Variants in PTPRO observed in about 807,000 individuals in gnomAD.
The protein encoded by PTPRO is receptor-type tyrosine-protein phosphatase O.
A neutral mutation model predicts 145.2 loss-of-function variants in PTPRO; 62 were observed. The observed-to-expected ratio is 0.43, with a 90% CI of 0.35 to 0.53. The LOEUF (loss-of-function observed/expected upper bound fraction) is 0.53. Ranked by LOEUF, PTPRO falls within the 20% of genes least tolerant of loss-of-function variation. The pLI, the probability that PTPRO is intolerant of heterozygous loss-of-function variation, is 0.01. For synonymous variants in PTPRO, 565 were observed against 514.7 expected (o/e 1.10, Z -1.32); for missense variants, 1,345 against 1,482.7 (o/e 0.91, Z 1.53).
intron 19 of PTPRO, among the ~76,000 whole-genome samples, chr12:15,572,830 T>A (rs536836330): frequency 1.3e-5 from 2 of 152,122 alleles, no homozygotes; most frequent in African/African-American, 4.8e-5. Context: ...CAGATGAAAT[T>A]TGAAAATGTG....
chr12:15,402,740 T>A (rs1939533799), intron 1 of PTPRO, among the ~76,000 whole-genome samples: 1 of 152,210 alleles, frequency 6.6e-6, no homozygotes, highest in Non-Finnish European at 1.5e-5. Flanking sequence ...CAAGCAGTAC[T>A]ATAATGCTTT....
intron 13 of PTPRO, 43 bp downstream of exon 13, chr12:15,546,751 A>C: frequency 6.2e-7 from 1 of 1,609,308 alleles, no homozygotes; most frequent in Non-Finnish European, 8.5e-7. Flanking sequence ...TAACTTAAGT[A>C]AGGCTAATTA....
intron 1 of PTPRO, among the ~76,000 whole-genome samples, chr12:15,466,302 G>C (rs1258267095): frequency 6.6e-6 from 1 of 152,110 alleles, no homozygotes; most frequent in East Asian, 1.9e-4. Flanking sequence ...TATTTTAATA[G>C]CGCAAGAAGT....
At chr12:15,493,585 A>G (rs1302987869) in intron 2 of PTPRO, among the ~76,000 whole-genome samples, 5 of 152,200 alleles carry the variant, frequency 3.3e-5, no homozygotes, top group Admixed American at 6.5e-5. Context: ...GGAAATTAAA[A>G]CAAAGAGATA....
intron 1 of PTPRO, among the ~76,000 whole-genome samples, chr12:15,343,914 G>A (rs924526379): frequency 3.4e-4 from 52 of 152,250 alleles, no homozygotes; most frequent in African/African-American, 1.1e-3. Context: ...TCGATCTCCT[G>A]ACCTCGTGAT....
At chr12:15,352,668 A>G (rs1937849119) in intron 1 of PTPRO, among the ~76,000 whole-genome samples, 1 of 85,316 alleles carries the variant, frequency 1.2e-5, no homozygotes, top group African/African-American at 3.3e-5. Flanking sequence ...AAAAAAAAAA[A>G]GAAAGAAAGA....
At chr12:15,567,376 A>C in intron 18 of PTPRO, among the ~76,000 whole-genome samples, 1 of 147,230 alleles carries the variant, frequency 6.8e-6, no homozygotes, top group African/African-American at 2.5e-5. Context: ...CCTTTCCATC[A>C]CCTCCTCTTT....
chr12:15,444,207 A>G (rs1222439351), intron 1 of PTPRO, among the ~76,000 whole-genome samples: 1 of 152,150 alleles, frequency 6.6e-6, no homozygotes, highest in East Asian at 1.9e-4. Context: ...GCTGAAGGCC[A>G]TTATCCTAAG....
intron 12 of PTPRO, among the ~76,000 whole-genome samples, chr12:15,534,387 A>G (rs112556523): frequency 0.012 from 1,826 of 152,332 alleles, 32 homozygotes; most frequent in African/African-American, 0.041. Flanking sequence ...AATCCATTTA[A>G]CTAATATATA....
At chr12:15,393,981 A>G (rs1939266771) in intron 1 of PTPRO, among the ~76,000 whole-genome samples, 1 of 152,190 alleles carries the variant, frequency 6.6e-6, no homozygotes, top group African/African-American at 2.4e-5. Context: ...CTGGCTTTTT[A>G]TAACAGATCC....
chr12:15,527,834 G>A (rs1248406940), intron 12 of PTPRO, among the ~76,000 whole-genome samples: 1 of 152,184 alleles, frequency 6.6e-6, no homozygotes, highest in African/African-American at 2.4e-5. Context: ...CAAAGACATA[G>A]TTCTATGCCC....
chr12:15,497,548 A>G, intron 3 of PTPRO, 145 bp downstream of exon 3: 3 of 938,006 alleles, frequency 3.2e-6, no homozygotes, highest in South Asian at 3.1e-5. Flanking sequence ...TTATTGATTT[A>G]TGAAAATCGT....
chr12:15,524,698 G>A (rs1326546816), intron 10 of PTPRO, 116 bp from the exon 11 acceptor site: 14 of 1,107,222 alleles, frequency 1.3e-5, no homozygotes, highest in Non-Finnish European at 1.5e-5. Context: ...CGGGACTATC[G>A]TGTGCTGTGA....
intron 1 of PTPRO, among the ~76,000 whole-genome samples, chr12:15,345,908 A>G (rs888325150): frequency 2.6e-5 from 4 of 152,064 alleles, no homozygotes; most frequent in East Asian, 3.9e-4. Flanking sequence ...TCTGACCTCA[A>G]TATCTTCCCC....
Position 15,589,648 on chromosome 12 carries a change from T to C in PTPRO, c.3546+58T>C, listed in dbSNP as rs992340276. 3.8e-6 allele frequency: 6 copies of C among 1,572,010 alleles called. No individual in the cohort carries two copies. In the Admixed American group the frequency reaches 5.0e-5, roughly 13 times the overall value. ...TTCCCTGGACTGAAAAACTTACCAT[T>C]ATTCAATGATATGCTTCAAAACAAT... On this transcript the variant is annotated intron_variant, in intron 25 of 26. Transcript: ENST00000281171.
chr12:15,578,965 A>G, intron 20 of PTPRO, 22 bp downstream of exon 20: 1 of 1,522,966 alleles, frequency 6.6e-7, no homozygotes, highest in Non-Finnish European at 9.1e-7. Context: ...AATTGTGCCA[A>G]TAACACTCAT....
At chr12:15,339,730 T>C (rs1007248478) in intron 1 of PTPRO, among the ~76,000 whole-genome samples, 1 of 152,182 alleles carries the variant, frequency 6.6e-6, no homozygotes, top group Non-Finnish European at 1.5e-5. Context: ...TACTTTCAAA[T>C]TTATATCCTC....
intron 12 of PTPRO, 28 bp from the exon 13 acceptor site, chr12:15,546,540 AT>A: frequency 2.6e-6 from 4 of 1,555,566 alleles, no homozygotes; most frequent in African/African-American, 1.4e-5. Context: ...AGTAAATTAA[AT>A]TTTTTTTAAA....
At chr12:15,466,057 C>T (rs1370295820) in intron 1 of PTPRO, among the ~76,000 whole-genome samples, 1 of 151,986 alleles carries the variant, frequency 6.6e-6, no homozygotes, top group Non-Finnish European at 1.5e-5. Flanking sequence ...AAGTATTAAC[C>T]CCATTTTTCA....
Sources: gnomAD v4.1 joint callset for allele counts (sites outside exome capture counted in the v4.1 genomes callset) on GRCh38, gnomAD v4.1.1 for gene constraint, MANE v1.5 for transcripts, NCBI Gene and HGNC (gene_info 2026-07-23, HGNC 2026-07-21) for gene names.